Variants in NR6A1 observed in about 807,000 individuals in gnomAD.
NR6A1 encodes nuclear receptor subfamily 6 group A member 1, also known as retinoic acid receptor-related testis-associated receptor.
In NR6A1, 7 loss-of-function variants were observed where a neutral mutation model predicts 59.1. The observed-to-expected ratio is 0.12, with a 90% CI of 0.07 to 0.22. NR6A1 has a LOEUF of 0.22. Among genes scored for constraint, NR6A1 ranks in the 10% least tolerant of loss-of-function variants. The probability of loss-of-function intolerance (pLI) is 1.00; values close to 1 mark genes in which losing one functional copy is unlikely to be tolerated. For missense variants in NR6A1, 468 were observed against 611.6 expected, an observed-to-expected ratio of 0.77 and a Z score of 2.48; for synonymous variants, 243 against 236.1, an observed-to-expected ratio of 1.03 and a Z score of -0.27.
intron 2 of NR6A1, among the ~76,000 whole-genome samples, chr9:124,730,944 A>C (rs1277065855): frequency 2.6e-5 from 4 of 152,206 alleles, no homozygotes; most frequent in Non-Finnish European, 5.9e-5. Context: ...AGTCTAGAGA[A>C]CTGGGTGTGG....
chr9:124,581,252 T>C (rs1285924856), intron 2 of NR6A1, among the ~76,000 whole-genome samples: 1 of 152,036 alleles, frequency 6.6e-6, no homozygotes, highest in Non-Finnish European at 1.5e-5. Context: ...AAGCAAAAAT[T>C]GACAAATGGG....
At chr9:124,724,463 A>G (rs1839655003) in intron 2 of NR6A1, among the ~76,000 whole-genome samples, 1 of 151,986 alleles carries the variant, frequency 6.6e-6, no homozygotes, top group African/African-American at 2.4e-5. Flanking sequence ...AAAGCTTCTA[A>G]TATGTCTAAC....
At chr9:124,728,152 G>A (rs1390886719) in intron 2 of NR6A1, among the ~76,000 whole-genome samples, 5 of 150,852 alleles carry the variant, frequency 3.3e-5, no homozygotes, top group South Asian at 2.1e-4. Context: ...TCAGCCTCCC[G>A]AGTATCTGGG....
chr9:124,570,861 A>C (rs1381881940), intron 2 of NR6A1, among the ~76,000 whole-genome samples: 6 of 152,206 alleles, frequency 3.9e-5, no homozygotes, highest in Admixed American at 3.3e-4. Context: ...TAAACAAATA[A>C]GTATTTTTGA....
chr9:124,712,484 T>C (rs1375197546), intron 2 of NR6A1, among the ~76,000 whole-genome samples: 1 of 151,886 alleles, frequency 6.6e-6, no homozygotes, highest in Non-Finnish European at 1.5e-5. Flanking sequence ...GACACACGCC[T>C]GTAGTCCCAG....
At chr9:124,547,223 T>C (rs1439875798) in intron 3 of NR6A1, among the ~76,000 whole-genome samples, 1 of 152,200 alleles carries the variant, frequency 6.6e-6, no homozygotes, top group Non-Finnish European at 1.5e-5. Context: ...ATGCCTACCA[T>C]TCTTCATTTG....
chr9:124,616,402 C>CAAAA (rs71372978), intron 2 of NR6A1, among the ~76,000 whole-genome samples: 1 of 68,318 alleles, frequency 1.5e-5, no homozygotes, highest in Non-Finnish European at 3.4e-5. Flanking sequence ...GACTCCATCT[C>CAAAA]AAAAAAAAAA....
At chr9:124,565,484 A>G (rs10114038) in intron 2 of NR6A1, among the ~76,000 whole-genome samples, 8,212 of 152,214 alleles carry the variant, frequency 0.054, 514 homozygotes, top group African/African-American at 0.15. Flanking sequence ...AGCAGCACTA[A>G]CCATAGAAGA....
At chr9:124,593,522 A>G (rs1451831105) in intron 2 of NR6A1, among the ~76,000 whole-genome samples, 2 of 152,172 alleles carry the variant, frequency 1.3e-5, no homozygotes, top group African/African-American at 4.8e-5. Flanking sequence ...TCTCCAATTC[A>G]ATACAGTATT....
chr9:124,591,055 G>C (rs912596168), intron 2 of NR6A1, among the ~76,000 whole-genome samples: 4 of 152,268 alleles, frequency 2.6e-5, no homozygotes, highest in African/African-American at 7.2e-5. Context: ...AGGCTCAGCA[G>C]CTGGCCCCAC....
intron 1 of NR6A1, among the ~76,000 whole-genome samples, chr9:124,767,560 A>G (rs1269273705): frequency 6.6e-6 from 1 of 152,148 alleles, no homozygotes; most frequent in Non-Finnish European, 1.5e-5. Flanking sequence ...GTACTAAGAA[A>G]CAACAGTACT....
intron 1 of NR6A1, among the ~76,000 whole-genome samples, chr9:124,743,524 G>A (rs1840235794): frequency 6.6e-6 from 1 of 152,108 alleles, no homozygotes; most frequent in Non-Finnish European, 1.5e-5. Flanking sequence ...TGCAGTACAC[G>A]AGTGTCTATA....
intron 4 of NR6A1, among the ~76,000 whole-genome samples, chr9:124,543,391 G>C (rs1833504898): frequency 6.6e-6 from 1 of 152,114 alleles, no homozygotes; most frequent in Non-Finnish European, 1.5e-5. Context: ...GATTGAATGG[G>C]GGTATTATCA....
intron 1 of NR6A1, among the ~76,000 whole-genome samples, chr9:124,735,916 G>A (rs754604181): frequency 1.3e-5 from 2 of 152,042 alleles, no homozygotes; most frequent in Admixed American, 1.3e-4. Flanking sequence ...CTCCCAAAAG[G>A]CCCCCATGCT....
At chr9:124,766,978 T>C (rs1259902676) in intron 1 of NR6A1, among the ~76,000 whole-genome samples, 1 of 152,224 alleles carries the variant, frequency 6.6e-6, no homozygotes, top group Non-Finnish European at 1.5e-5. Flanking sequence ...TCATTAGCAA[T>C]TTAAAGCCAA....
intron 2 of NR6A1, among the ~76,000 whole-genome samples, chr9:124,648,081 A>G (rs1034191208): frequency 6.6e-6 from 1 of 152,190 alleles, no homozygotes; most frequent in Admixed American, 6.5e-5. Flanking sequence ...TGAATTCAGC[A>G]ACACATTAAA....
intron 3 of NR6A1, among the ~76,000 whole-genome samples, chr9:124,547,030 A>G (rs1274207461): frequency 1.3e-5 from 2 of 152,252 alleles, no homozygotes; most frequent in Admixed American, 1.3e-4. Context: ...CAAGTTTTTC[A>G]GCAGGGCTAA....
intron 2 of NR6A1, among the ~76,000 whole-genome samples, chr9:124,724,338 T>C (rs1174487700): frequency 6.6e-6 from 1 of 152,000 alleles, no homozygotes; most frequent in Non-Finnish European, 1.5e-5. Context: ...TAGTGAACCA[T>C]ACATTATTCT....
Position 124,701,897 on chromosome 9 carries a change from G to T in NR6A1, c.142+31411C>A, listed in dbSNP as rs2131049576. Among the ~76,000 whole-genome samples the T allele has an allele frequency of 2.6e-5, 4 of 152,094 alleles. No individual in the cohort carries two copies. The South Asian group carries it at 8.3e-4, about 32-fold the overall frequency. ...TGCCACCACGCCCAGGTAGTTTTTT[G>T]TATTTTTAGTAGAGATGGGGTTTCA... On this transcript the variant is annotated intron_variant, in intron 2 of 9. Transcript: ENST00000487099.
Sources: gnomAD v4.1 joint callset for allele counts (sites outside exome capture counted in the v4.1 genomes callset) on GRCh38, gnomAD v4.1.1 for gene constraint, MANE v1.5 for transcripts, NCBI Gene and HGNC (gene_info 2026-07-23, HGNC 2026-07-21) for gene names.